Variants in CEP120 observed in about 807,000 individuals in gnomAD.
CEP120 encodes centrosomal protein 120.
Under a neutral mutation model 126.5 loss-of-function variants are expected in CEP120, and 113 were observed. That is an observed-to-expected ratio of 0.89 (90% CI 0.77 to 1.04). CEP120 has a LOEUF of 1.04. Ranked by LOEUF, CEP120 falls within the 50% of genes least tolerant of loss-of-function variation. The probability of loss-of-function intolerance (pLI) is 0.00; values close to 1 mark genes in which losing one functional copy is unlikely to be tolerated. For missense variants in CEP120, 1,230 were observed against 1,155.7 expected (o/e 1.06, Z -0.93); for synonymous variants, 400 against 394.3 (o/e 1.01, Z -0.17).
upstream of CEP120, among the ~76,000 whole-genome samples, chr5:123,423,748 T>C (rs936170501): frequency 6.6e-6 from 1 of 152,132 alleles, no homozygotes; most frequent in African/African-American, 2.4e-5. Context: ...GCTTAAAAAA[T>C]TAAATCACAA....
chr5:123,367,898 TTTTGTGCA>T (rs1205122156), intron 17 of CEP120, among the ~76,000 whole-genome samples: 1 of 151,966 alleles, frequency 6.6e-6, no homozygotes, highest in Non-Finnish European at 1.5e-5. Context: ...GGGTCTTTCT[TTTTGTGCA>T]TTTATCTCTT....
chr5:123,366,398 A>G (rs1024311456), intron 17 of CEP120, among the ~76,000 whole-genome samples: 3 of 151,850 alleles, frequency 2.0e-5, no homozygotes, highest in African/African-American at 7.2e-5. Context: ...ATACTCCTGA[A>G]AGAAAAACTC....
chr5:123,375,993 C>CTT (rs368495804), intron 16 of CEP120, among the ~76,000 whole-genome samples: 51 of 141,982 alleles, frequency 3.6e-4, no homozygotes, highest in Admixed American at 6.4e-4. Flanking sequence ...CAGCTTGATT[C>CTT]TTTTTTTTTT....
intron 4 of CEP120, chr5:123,403,814 C>T (rs183857268): frequency 3.2e-4 from 102 of 320,822 alleles, no homozygotes; most frequent in African/African-American, 2.1e-3. Flanking sequence ...ATTAACTGGC[C>T]TGCAATCTTC....
intron 16 of CEP120, among the ~76,000 whole-genome samples, chr5:123,375,959 A>T (rs903397966): frequency 6.6e-5 from 10 of 151,972 alleles, no homozygotes; most frequent in African/African-American, 2.4e-4. Flanking sequence ...GGAATTTTTC[A>T]AGAAAGATAA....
At chr5:123,359,490 TATTTGTAGACCAATGCA>T (rs1437145785) in intron 18 of CEP120, among the ~76,000 whole-genome samples, 5 of 152,084 alleles carry the variant, frequency 3.3e-5, no homozygotes, top group African/African-American at 1.2e-4. Context: ...TTCACTTGAG[TATTTGTAGACCAATGCA>T]ATTCAAGTAT....
At chr5:123,408,642 C>A (rs1015717339) in intron 4 of CEP120, among the ~76,000 whole-genome samples, 2 of 152,134 alleles carry the variant, frequency 1.3e-5, no homozygotes, top group African/African-American at 4.8e-5. Flanking sequence ...CCTTCCCAAA[C>A]AGAAAGTACC....
chr5:123,423,301 G>A lies in CEP120; in HGVS notation c.-303C>T. 1 of 419,800 alleles carries A rather than the reference G, an allele frequency of 2.4e-6. No homozygotes were observed. Among genetic ancestry groups the A allele is most frequent in the Non-Finnish European group, 4.3e-6 (1 of 235,132 alleles). The allele number at this position is 419,800 out of a possible 1,614,324, so 26.0% of individuals were successfully genotyped here. A position where few individuals can be genotyped will look rare whatever the true frequency, so the allele number is the denominator to read the frequency against. Reference sequence around the variant, plus strand: ...AGGACCTTTTGCCGCCTGCGTAGCCGCTTTTCAAACGCCCGGGCGGCCGCA... The same window carrying A: ...AGGACCTTTTGCCGCCTGCGTAGCCACTTTTCAAACGCCCGGGCGGCCGCA... On this transcript the variant is annotated 5_prime_UTR_variant, in exon 1 of 20. Coordinates refer to ENST00000306467, the MANE Select transcript of CEP120 (RefSeq NM_001375405.1).
intron 4 of CEP120, chr5:123,401,781 T>A (rs1773258278): frequency 1.6e-6 from 2 of 1,251,034 alleles, no homozygotes; most frequent in Admixed American, 3.4e-5. Flanking sequence ...ATTCTCCATC[T>A]CTGCACGCTT....
rs558700698 is a variant in CEP120 at position 123,414,896 on chromosome 5, C to T, written c.321+1114G>A. ...CTGAGGCGGAAGAATGGCATGAACCCGGGAGTCAGAGCTTGCAGTGAGCCG... is the reference window on the plus strand; with the variant it reads ...CTGAGGCGGAAGAATGGCATGAACCTGGGAGTCAGAGCTTGCAGTGAGCCG... On this transcript the variant is annotated intron_variant, in intron 3 of 19. Transcript: ENST00000306467. Among the ~76,000 whole-genome samples the T allele has an allele frequency of 4.0e-3, 551 of 138,526 alleles. 3 individuals carry two copies. The highest frequency in any genetic ancestry group is 0.014 in the African/African-American group (527 of 37,150). The allele number at this position is 138,526 out of a possible 152,430, so 90.9% of individuals were successfully genotyped here.
chr5:123,378,458 A>G, intron 14 of CEP120, 30 bp from the exon 15 acceptor site: 1 of 1,015,516 alleles, frequency 9.8e-7, no homozygotes, highest in South Asian at 1.6e-5. Context: ...AAAAAAAAAA[A>G]GTTACCTACC....
At chr5:123,363,883 T>C (rs1336939829) in intron 18 of CEP120, among the ~76,000 whole-genome samples, 1 of 151,574 alleles carries the variant, frequency 6.6e-6, no homozygotes, top group African/African-American at 2.4e-5. Flanking sequence ...CAGTTAGGGT[T>C]AGATTCAAAA....
chr5:123,422,660 A>AT, intron 1 of CEP120: 1 of 929,782 alleles, frequency 1.1e-6, no homozygotes. Context: ...TTCAGCTCAT[A>AT]TATAAAAGCC....
At chr5:123,374,637 T>C (rs912900615) in intron 16 of CEP120, among the ~76,000 whole-genome samples, 1 of 152,044 alleles carries the variant, frequency 6.6e-6, no homozygotes, top group African/African-American at 2.4e-5. Context: ...GTGGCAAAAA[T>C]GGAAATCATC....
rs566768927 is a variant in CEP120, at chr5:123,423,194, A to G, written c.-196T>C. 157 of 598,400 alleles carry G rather than the reference A, an allele frequency of 2.6e-4. No homozygotes were observed. The highest frequency in any genetic ancestry group is 2.5e-3 in the African/African-American group (134 of 53,684). 37.1% of individuals were successfully genotyped at this position (598,400 alleles called of 1,614,324 possible). A position where few individuals can be genotyped will look rare whatever the true frequency, so the allele number is the denominator to read the frequency against. Reference sequence around the variant, plus strand: ...CTCCTCTGCCTCGGGCCGCCAGCCCAGATCCTAACTGTGCCCCGACTCAAG... The same window carrying G: ...CTCCTCTGCCTCGGGCCGCCAGCCCGGATCCTAACTGTGCCCCGACTCAAG... On this transcript the variant is annotated 5_prime_UTR_variant, in exon 1 of 20. Coordinates refer to ENST00000306467, the MANE Select transcript of CEP120 (RefSeq NM_001375405.1).
chr5:123,363,845 C>A (rs181989397), intron 18 of CEP120, among the ~76,000 whole-genome samples: 42 of 151,422 alleles, frequency 2.8e-4, no homozygotes, highest in African/African-American at 9.4e-4. Context: ...AATAAACTAA[C>A]CATTATTAAT....
chr5:123,414,971 C>CAAAA (rs56756568), intron 3 of CEP120, among the ~76,000 whole-genome samples: 8 of 40,662 alleles, frequency 2.0e-4, no homozygotes, highest in Admixed American at 4.5e-4. Flanking sequence ...GACTCCATCT[C>CAAAA]AAAAAAAAAA....
rs73799288 is a variant in CEP120 at position 123,370,888 on chromosome 5, G to C, written c.2481+1762C>G. 3.0e-3 allele frequency among the ~76,000 whole-genome samples: 453 copies of C among 151,700 alleles called. 5 individuals carry two copies. Among genetic ancestry groups the C allele is most frequent in the African/African-American group, 0.011 (437 of 41,398 alleles). On this transcript the variant is annotated intron_variant, in intron 17 of 19. Coordinates refer to ENST00000306467, the MANE Select transcript of CEP120 (RefSeq NM_001375405.1). ...CCCAAAGTGCTGGAATTACAGGCATGAGCCACTATACCCAGTCCCCAATGT... is the reference window on the plus strand; with the variant it reads ...CCCAAAGTGCTGGAATTACAGGCATCAGCCACTATACCCAGTCCCCAATGT...
intron 15 of CEP120, 67 bp from the exon 16 acceptor site, chr5:123,377,602 A>G (rs910897861): frequency 1.7e-5 from 20 of 1,165,630 alleles, no homozygotes; most frequent in Middle Eastern, 4.1e-4. Flanking sequence ...CGATATTCCA[A>G]TATCTTTCTA....
Sources: allele counts gnomAD v4.1 joint callset (sites outside exome capture counted in the v4.1 genomes callset), GRCh38; gene constraint gnomAD v4.1.1; transcripts MANE v1.5; gene names NCBI Gene and HGNC (gene_info 2026-07-23, HGNC 2026-07-21).